Variants in LYST observed in about 807,000 individuals in gnomAD.
LYST encodes the protein lysosomal-trafficking regulator.
A neutral mutation model predicts 413.6 loss-of-function variants in LYST; 192 were observed. The observed-to-expected ratio is 0.46, with a 90% CI of 0.41 to 0.52. The LOEUF (loss-of-function observed/expected upper bound fraction) is 0.52, where lower values mean the gene tolerates loss of function less well. Ranked by LOEUF, LYST falls within the 20% of genes least tolerant of loss-of-function variation. The probability of loss-of-function intolerance (pLI) is 0.00; values close to 1 mark genes in which losing one functional copy is unlikely to be tolerated. For missense variants in LYST, 3,815 were observed against 4,499.9 expected, an observed-to-expected ratio of 0.85 and a Z score of 4.35; for synonymous variants, 1,525 against 1,567.3, an observed-to-expected ratio of 0.97 and a Z score of 0.64.
upstream of LYST, among the ~76,000 whole-genome samples, chr1:235,870,744 C>A (rs1680888521): frequency 1.3e-5 from 2 of 152,198 alleles, no homozygotes; most frequent in South Asian, 4.1e-4. Flanking sequence ...TGTTCTATTT[C>A]TGATGTATCC....
At position 235,687,021 on chromosome 1, in the gene LYST, G is replaced by C. The variant is rs1441374348; in HGVS notation, c.10728C>G (p.Asp3576Glu). ...YQVTSCAWVP[D>E]SCQLFTGSKC... ...TGCTTCCAGTAAACAGCTGGCAACT[G>C]TCAGGCACCCAAGCACAACTAGTCA... The change falls in exon 48 of 53, where the codon GAC becomes GAG. Residue 3576 changes from aspartate (D) to glutamate (E), a missense_variant. Physicochemically the swap from Asp to Glu is conservative, Grantham distance 45 (BLOSUM62 2). Coordinates refer to ENST00000389793, the MANE Select transcript of LYST (RefSeq NM_000081.4). The C allele has an allele frequency of 6.2e-7, 1 of 1,613,820 alleles. No individual in the cohort carries two copies. Among genetic ancestry groups the C allele is most frequent in the East Asian group, 2.2e-5 (1 of 44,862 alleles).
At chr1:235,754,229 C>CTTT (rs71576486) in intron 25 of LYST, among the ~76,000 whole-genome samples, 27 of 86,560 alleles carry the variant, frequency 3.1e-4, no homozygotes, top group Non-Finnish European at 4.4e-4. Flanking sequence ...CTTTTCTTTT[C>CTTT]TTTTTTTTTT....
chr1:235,729,452 T>C, intron 37 of LYST, 144 bp downstream of exon 37: 2 of 678,030 alleles, frequency 2.9e-6, no homozygotes, highest in South Asian at 1.6e-5. Context: ...TGCAATTACA[T>C]ATAATGTTAA....
At chr1:235,717,618 A>G (rs1662959899) in intron 40 of LYST, among the ~76,000 whole-genome samples, 1 of 152,182 alleles carries the variant, frequency 6.6e-6, no homozygotes, top group Admixed American at 6.5e-5. Context: ...CCTGGATTTC[A>G]ACCTGCAGCA....
At position 235,791,746 on chromosome 1, in the gene LYST, T is replaced by C. The variant is rs955633410; in HGVS notation, c.4496A>G (p.Lys1499Arg). Residue 1499 changes from lysine to arginine, a missense_variant, in exon 12 of 53, where the codon AAA becomes AGA. Physicochemically the swap from Lys to Arg is conservative, Grantham distance 26. Coordinates refer to ENST00000389793, the MANE Select transcript of LYST (RefSeq NM_000081.4). ...TGGTAAAATTAATGATTTGTTTCTTTTCTTTATCTTCTTTCCTTTTTCTGT... is the reference window on the plus strand; with the variant it reads ...TGGTAAAATTAATGATTTGTTTCTTCTCTTTATCTTCTTTCCTTTTTCTGT... ...STTEKGKKIK[K>R]RNKSLILPDS... The C allele has an allele frequency of 8.1e-6, 13 of 1,613,502 alleles. No individual in the cohort carries two copies. Among genetic ancestry groups the C allele is most frequent in the Non-Finnish European group, 1.1e-5 (13 of 1,179,524 alleles).
chr1:235,710,833 T>C (rs1558140177), intron 43 of LYST, among the ~76,000 whole-genome samples: 1 of 152,172 alleles, frequency 6.6e-6, no homozygotes, highest in East Asian at 1.9e-4. Flanking sequence ...TTTGGAACCC[T>C]GAGTTGCCAA....
chr1:235,868,877 T>G (rs1179341323), upstream of LYST, among the ~76,000 whole-genome samples: 1 of 152,032 alleles, frequency 6.6e-6, no homozygotes, highest in South Asian at 2.1e-4. Flanking sequence ...GTATTTTTAG[T>G]AGAGACAGAG....
chr1:235,775,122 A>C, intron 17 of LYST, 36 bp from the exon 18 acceptor site: 1 of 1,524,698 alleles, frequency 6.6e-7, no homozygotes. Context: ...GTTTTCTCCC[A>C]ATTTGCTGAG....
chr1:235,702,053 A>C (rs560529631), intron 45 of LYST, among the ~76,000 whole-genome samples: 6,655 of 152,274 alleles, frequency 0.044, 495 homozygotes, highest in African/African-American at 0.15. Context: ...GGTCCTTTAC[A>C]ACGTCTTTCC....
At chr1:235,790,099 T>C (rs1670834866) in intron 12 of LYST, among the ~76,000 whole-genome samples, 1 of 152,200 alleles carries the variant, frequency 6.6e-6, no homozygotes, top group African/African-American at 2.4e-5. Context: ...CTAAAATATG[T>C]TTTCTAATAT....
At chr1:235,703,015 G>T in intron 44 of LYST, 38 bp from the exon 45 acceptor site, 1 of 1,411,450 alleles carries the variant, frequency 7.1e-7, no homozygotes, top group Non-Finnish European at 1.0e-6. Context: ...GACATATGTA[G>T]TAAAAAGAAA....
intron 46 of LYST, among the ~76,000 whole-genome samples, chr1:235,696,030 T>A (rs1347029855): frequency 6.6e-6 from 1 of 152,214 alleles, no homozygotes; most frequent in African/African-American, 2.4e-5. Context: ...TAACTAATTG[T>A]AACATACTAG....
At chr1:235,865,543 T>C (rs1177014836) in intron 1 of LYST, among the ~76,000 whole-genome samples, 1 of 152,346 alleles carries the variant, frequency 6.6e-6, no homozygotes, top group East Asian at 1.9e-4. Flanking sequence ...AGTATTTTTA[T>C]GCAAATTACA....
At chr1:235,722,536 A>C (rs1379220687) in intron 39 of LYST, among the ~76,000 whole-genome samples, 1 of 152,080 alleles carries the variant, frequency 6.6e-6, no homozygotes, top group African/African-American at 2.4e-5. Context: ...CCCAGGCTGG[A>C]GTGTAATGGC....
intron 3 of LYST, among the ~76,000 whole-genome samples, chr1:235,824,837 T>A (rs959175250): frequency 6.6e-5 from 10 of 152,050 alleles, no homozygotes; most frequent in African/African-American, 2.4e-4. Flanking sequence ...CTGGCCAAGA[T>A]GGTGAAACCC....
intron 50 of LYST, among the ~76,000 whole-genome samples, chr1:235,665,152 TAAG>T (rs1264878915): frequency 1.3e-5 from 2 of 152,050 alleles, no homozygotes; most frequent in South Asian, 4.1e-4. Flanking sequence ...AAAATAAAAA[TAAG>T]AAGAAGCAAT....
intron 17 of LYST, among the ~76,000 whole-genome samples, chr1:235,776,686 A>G (rs1425202120): frequency 2.0e-5 from 3 of 150,976 alleles, no homozygotes; most frequent in Admixed American, 6.6e-5. Flanking sequence ...CAAACAAATT[A>G]AAGTTTTTTT....
At chr1:235,705,445 G>A (rs902936896) in intron 44 of LYST, among the ~76,000 whole-genome samples, 1 of 152,016 alleles carries the variant, frequency 6.6e-6, no homozygotes, top group African/African-American at 2.4e-5. Context: ...GAATGCAGTG[G>A]CACGATCATG....
intron 10 of LYST, among the ~76,000 whole-genome samples, chr1:235,797,524 A>T (rs2102797229): frequency 6.6e-6 from 1 of 152,262 alleles, no homozygotes; most frequent in Non-Finnish European, 1.5e-5. Context: ...TGGGGGAGGG[A>T]CAGTCTCTTC....
Sources: gnomAD v4.1 joint callset for allele counts (sites outside exome capture counted in the v4.1 genomes callset) on GRCh38, gnomAD v4.1.1 for gene constraint, MANE v1.5 for transcripts, NCBI Gene and HGNC (gene_info 2026-07-23, HGNC 2026-07-21) for gene names.